THRAP3: variants seen among roughly 807,000 people sequenced by gnomAD.
The protein encoded by THRAP3 is thyroid hormone receptor-associated protein 3.
THRAP3 carries 16 observed loss-of-function variants against 101.0 expected under a neutral mutation model. That is an observed-to-expected ratio of 0.16 (90% confidence interval 0.11 to 0.24). THRAP3 has a LOEUF of 0.24. Among genes scored for constraint, THRAP3 ranks in the 10% least tolerant of loss-of-function variants. The probability of loss-of-function intolerance (pLI) is 1.00; values close to 1 mark genes in which losing one functional copy is unlikely to be tolerated. For synonymous variants in THRAP3, 407 were observed against 422.6 expected (o/e 0.96, Z 0.45); for missense variants, 989 against 1,202.7 (o/e 0.82, Z 2.63).
rs558516284 is a variant in THRAP3 at position 36,233,012 on chromosome 1, G to A, written c.-135+8507G>A. On this transcript the variant is annotated intron_variant, in intron 1 of 11. Transcript: ENST00000354618. ...GCCTCCTGAGAAGCTGGGATTATAGGCACATACCACCACGCCCAGCTAATT... is the reference window on the plus strand; with the variant it reads ...GCCTCCTGAGAAGCTGGGATTATAGACACATACCACCACGCCCAGCTAATT... 2.6e-5 allele frequency among the ~76,000 whole-genome samples: 4 copies of A among 151,344 alleles called. No individual in the cohort carries two copies. In the South Asian group the frequency reaches 8.4e-4, roughly 32 times the overall value.
At position 36,262,959 on chromosome 1, in the gene THRAP3, A is replaced by T. The variant is rs1303963020; in HGVS notation, c.-32+3475A>T. ...AGGCGCCCGCCACCAGGGCCGGCTA[A>T]TTTTTTTTTTTTTTTTTTTTTTTTG... is the stretch of plus-strand genomic sequence containing the variant. On this transcript the variant is annotated intron_variant, in intron 2 of 11. Transcript: ENST00000354618. 8.6e-5 allele frequency among the ~76,000 whole-genome samples: 9 copies of T among 104,366 alleles called. 1 individual carries two copies. The East Asian group carries it at 1.3e-3, about 15-fold the overall frequency. 68.5% of individuals were successfully genotyped at this position (104,366 alleles called of 152,430 possible). A position where few individuals can be genotyped will look rare whatever the true frequency, so the allele number is the denominator to read the frequency against.
chr1:36,299,787 G>A (rs918142324), intron 9 of THRAP3, among the ~76,000 whole-genome samples: 1 of 152,186 alleles, frequency 6.6e-6, no homozygotes, highest in Non-Finnish European at 1.5e-5. Flanking sequence ...GGGATTACAG[G>A]AGAGAGCCAC....
chr1:36,299,663 C>T (rs182690687), intron 9 of THRAP3, among the ~76,000 whole-genome samples: 2 of 151,872 alleles, frequency 1.3e-5, no homozygotes, highest in Non-Finnish European at 2.9e-5. Context: ...TGCTTTCCAC[C>T]ACACCCAGCT....
the THRAP3 span, among the ~76,000 whole-genome samples, chr1:36,218,414 CAAAAAA>C: frequency 2.5e-5 from 1 of 40,102 alleles, no homozygotes; most frequent in Non-Finnish European, 5.0e-5. Flanking sequence ...GACTCTGTCT[CAAAAAA>C]AAAAAAAAAA....
the THRAP3 span, among the ~76,000 whole-genome samples, chr1:36,216,428 C>T: frequency 1.4e-5 from 2 of 146,738 alleles, no homozygotes; most frequent in East Asian, 2.0e-4. Context: ...GCAGGAGAAT[C>T]GCTTGAACTG....
At chr1:36,300,861 C>A in intron 9 of THRAP3, 25 bp from the exon 10 acceptor site, 1 of 1,610,594 alleles carries the variant, frequency 6.2e-7, no homozygotes, top group Middle Eastern at 2.2e-4. Context: ...GATGATTGAT[C>A]ACCCTGGCTC....
chr1:36,278,268 G>T (rs1436062404), intron 2 of THRAP3, among the ~76,000 whole-genome samples: 1 of 152,074 alleles, frequency 6.6e-6, no homozygotes, highest in Non-Finnish European at 1.5e-5. Flanking sequence ...GTTTTGCCAT[G>T]TTGGCCAGGC....
intron 3 of THRAP3, among the ~76,000 whole-genome samples, chr1:36,284,468 T>A (rs759872810): frequency 6.6e-6 from 1 of 152,236 alleles, no homozygotes; most frequent in Non-Finnish European, 1.5e-5. Context: ...TATTTCTGGC[T>A]TATCTGTTTC....
chr1:36,270,051 C>T (rs1645568000), intron 2 of THRAP3, among the ~76,000 whole-genome samples: 1 of 152,160 alleles, frequency 6.6e-6, no homozygotes, highest in Non-Finnish European at 1.5e-5. Context: ...GTTCCCTATA[C>T]TGTTCTTTCT....
rs750599007 is a variant in THRAP3, at chr1:36,292,656, G to A, written c.1977G>A (p.Lys659=). 6.2e-7 allele frequency: 1 copy of A among 1,613,868 alleles called. No individual in the cohort carries two copies. Residue 659 remains lysine, a synonymous_variant, in exon 7 of 12, where the codon AAG becomes AAA. Transcript: ENST00000354618. ...TLHERFTKYL[K]RGTEQEAAKN... is the part of the protein sequence containing the mutation. Reference sequence around the variant, plus strand: ...ATGAACGCTTTACTAAATACCTAAAGAGAGGAACTGAGCAGGAGGCAGCCA... The same window carrying A: ...ATGAACGCTTTACTAAATACCTAAAAAGAGGAACTGAGCAGGAGGCAGCCA...
At chr1:36,299,004 G>A (rs1232418830) in intron 9 of THRAP3, among the ~76,000 whole-genome samples, 2 of 152,106 alleles carry the variant, frequency 1.3e-5, no homozygotes, top group Non-Finnish European at 2.9e-5. Context: ...ATGTTGCCCA[G>A]GATGGTCTAG....
rs954580559 is a variant in THRAP3, at chr1:36,302,682, T to TG, written c.2646+993dup. On this transcript the variant is annotated intron_variant, in intron 11 of 11. Coordinates refer to ENST00000354618, the MANE Select transcript of THRAP3 (RefSeq NM_005119.4). ...CAACAGCCTAAGACCCTAGCTTTTGTGGGGGGGTGGTTTAGACTCTGAAGT... is the reference window on the plus strand; with the variant it reads ...CAACAGCCTAAGACCCTAGCTTTTGTGGGGGGGGTGGTTTAGACTCTGAAGT... Among the ~76,000 whole-genome samples the TG allele has an allele frequency of 6.6e-5, 10 of 152,024 alleles. No individual in the cohort carries two copies. The East Asian group carries it at 7.7e-4, about 12-fold the overall frequency.
At chr1:36,226,483 C>T (rs1380054106) in intron 1 of THRAP3, among the ~76,000 whole-genome samples, 1 of 152,148 alleles carries the variant, frequency 6.6e-6, no homozygotes, top group Non-Finnish European at 1.5e-5. Flanking sequence ...TAGTCTTGAA[C>T]TCCTGACTTC....
At chr1:36,281,296 G>A (rs1156805374) in intron 2 of THRAP3, among the ~76,000 whole-genome samples, 5 of 152,068 alleles carry the variant, frequency 3.3e-5, no homozygotes, top group African/African-American at 1.2e-4. Context: ...AATTGCATGC[G>A]GTTTCTTCTC....
chr1:36,243,231 G>T (rs1206025707), intron 1 of THRAP3, among the ~76,000 whole-genome samples: 1 of 148,220 alleles, frequency 6.7e-6, no homozygotes, highest in African/African-American at 2.5e-5. Flanking sequence ...ATCATTCTTG[G>T]GTGTTTCTTG....
At chr1:36,236,068 G>C (rs1420080757) in intron 1 of THRAP3, among the ~76,000 whole-genome samples, 1 of 151,432 alleles carries the variant, frequency 6.6e-6, no homozygotes, top group East Asian at 1.9e-4. Context: ...CCAACATAGT[G>C]AAACCCCGTC....
At chr1:36,245,775 A>G (rs1645223401) in intron 1 of THRAP3, among the ~76,000 whole-genome samples, 1 of 152,170 alleles carries the variant, frequency 6.6e-6, no homozygotes, top group African/African-American at 2.4e-5. Context: ...TGATCATTGC[A>G]TTTTAATAGC....
intron 11 of THRAP3, among the ~76,000 whole-genome samples, chr1:36,301,958 A>G (rs1646035802): frequency 6.6e-6 from 1 of 152,130 alleles, no homozygotes; most frequent in African/African-American, 2.4e-5. Context: ...TTAGTCTATG[A>G]ACTTGTTTTA....
intron 2 of THRAP3, among the ~76,000 whole-genome samples, chr1:36,260,821 C>CA (rs34066117): frequency 0.22 from 15,510 of 69,848 alleles, 1,127 homozygotes; most frequent in Middle Eastern, 0.38. Context: ...GACTACGTCT[C>CA]AAAAAAAAAA....
Sources: gnomAD v4.1 joint callset for allele counts (sites outside exome capture counted in the v4.1 genomes callset) on GRCh38, gnomAD v4.1.1 for gene constraint, MANE v1.5 for transcripts, NCBI Gene and HGNC (gene_info 2026-07-23, HGNC 2026-07-21) for gene names.